HIVEP3: variants seen among roughly 807,000 people sequenced by gnomAD.
The protein encoded by HIVEP3 is HIVEP zinc finger 3, also known as transcription factor HIVEP3.
A neutral mutation model predicts 152.8 loss-of-function variants in HIVEP3; 49 were observed. The ratio of observed to expected loss-of-function variants is 0.32; its 90% CI spans 0.26 to 0.41. The LOEUF is 0.41. HIVEP3 is among the 10% of genes least tolerant of loss of function. The pLI is 1.00. For synonymous variants in HIVEP3, 1,269 were observed against 1,289.0 expected (o/e 0.98, Z 0.33); for missense variants, 2,790 against 3,103.3 (o/e 0.90, Z 2.40).
At chr1:41,937,140 C>A (rs1165022235) in intron 1 of HIVEP3, among the ~76,000 whole-genome samples, 1 of 152,066 alleles carries the variant, frequency 6.6e-6, no homozygotes, top group African/African-American at 2.4e-5. Context: ...CTTTCCAGTC[C>A]TCTTTATGTG....
At chr1:41,672,152 CT>C (rs1233688983) in intron 2 of HIVEP3, among the ~76,000 whole-genome samples, 1 of 152,210 alleles carries the variant, frequency 6.6e-6, no homozygotes, top group Admixed American at 6.5e-5. Context: ...GGGAGAGCCA[CT>C]TTCCCTGTTG....
intron 1 of HIVEP3, among the ~76,000 whole-genome samples, chr1:41,899,755 C>A (rs536024914): frequency 6.6e-6 from 1 of 152,312 alleles, no homozygotes; most frequent in East Asian, 1.9e-4. Flanking sequence ...TTCATTGAAT[C>A]ATTTAACTCT....
chr1:41,900,555 G>A (rs1040209746), intron 1 of HIVEP3, among the ~76,000 whole-genome samples: 1 of 151,978 alleles, frequency 6.6e-6, no homozygotes, highest in Non-Finnish European at 1.5e-5. Context: ...TCCCTGGGCT[G>A]GGCCTCTCTA....
At chr1:41,783,307 C>A (rs922234374) in intron 1 of HIVEP3, among the ~76,000 whole-genome samples, 5 of 152,148 alleles carry the variant, frequency 3.3e-5, no homozygotes, top group African/African-American at 1.2e-4. Context: ...ATTCCGTATT[C>A]ATTCCCCTAG....
chr1:41,947,879 A>T (rs1422326519), intron 1 of HIVEP3, among the ~76,000 whole-genome samples: 1 of 152,218 alleles, frequency 6.6e-6, no homozygotes, highest in Non-Finnish European at 1.5e-5. Context: ...CTGTGTGGAC[A>T]TCTCATGATG....
chr1:41,651,817 C>G (rs1423648085), intron 2 of HIVEP3, among the ~76,000 whole-genome samples: 1 of 152,182 alleles, frequency 6.6e-6, no homozygotes, highest in Non-Finnish European at 1.5e-5. Context: ...GTAACAATCT[C>G]ATTTTTAATT....
At chr1:41,798,322 A>C (rs1182818329) in intron 1 of HIVEP3, among the ~76,000 whole-genome samples, 1 of 151,934 alleles carries the variant, frequency 6.6e-6, no homozygotes, top group Non-Finnish European at 1.5e-5. Context: ...ACTCTTTTCC[A>C]ATAGGGATTC....
At chr1:41,588,999 G>A (rs764547034) in intron 3 of HIVEP3, among the ~76,000 whole-genome samples, 1 of 152,196 alleles carries the variant, frequency 6.6e-6, no homozygotes. Flanking sequence ...TCCAAATGTG[G>A]TGCGGCATAA....
chr1:42,022,399 A>G (rs1331040448), intron 1 of HIVEP3, among the ~76,000 whole-genome samples: 4 of 152,064 alleles, frequency 2.6e-5, no homozygotes, highest in Non-Finnish European at 4.4e-5. Flanking sequence ...CCTTCAATAC[A>G]TAGATCAAAT....
intron 1 of HIVEP3, among the ~76,000 whole-genome samples, chr1:41,946,895 C>G (rs1325536997): frequency 6.6e-6 from 1 of 152,134 alleles, no homozygotes; most frequent in Non-Finnish European, 1.5e-5. Flanking sequence ...TTTAGGAGTA[C>G]AGAAACCCAA....
At chr1:41,794,623 G>A (rs1558275719) in intron 1 of HIVEP3, among the ~76,000 whole-genome samples, 1 of 151,976 alleles carries the variant, frequency 6.6e-6, no homozygotes. Context: ...CTAAGTATTT[G>A]GTTTTTATTT....
intron 2 of HIVEP3, among the ~76,000 whole-genome samples, chr1:41,661,711 G>T (rs1259739781): frequency 6.6e-6 from 1 of 152,364 alleles, no homozygotes; most frequent in East Asian, 1.9e-4. Flanking sequence ...AGCAGCTCCC[G>T]CCGGGTGTGC....
chr1:41,806,428 A>G (rs780942810), intron 1 of HIVEP3, among the ~76,000 whole-genome samples: 12 of 152,244 alleles, frequency 7.9e-5, no homozygotes, highest in African/African-American at 1.2e-4. Context: ...TTGAAGGCCC[A>G]GCCCCGGCAT....
In HIVEP3 at chr1:41,513,634, C is replaced by G. The variant is rs750954186; in HGVS notation, c.5587G>C (p.Glu1863Gln). 35 of 1,613,936 alleles carry G rather than the reference C, an allele frequency of 2.2e-5. No individual in the cohort carries two copies. The highest frequency in any genetic ancestry group is 7.7e-5 in the South Asian group (7 of 91,080). Residue 1863 changes from glutamate (E) to glutamine (Q), a missense_variant, in exon 8 of 9, where the codon GAG becomes CAG. Coordinates refer to ENST00000372583, the MANE Select transcript of HIVEP3 (RefSeq NM_024503.5). Reference protein sequence around the residue: ...SDSDSDLDEDEDEDEEESQDE... With the variant: ...SDSDSDLDEDQDEDEEESQDE... ...TGGCTCTCCTCCTCATCCTCATCCT[C>G]GTCTTCGTCCAGGTCTGAGTCTGAG...
chr1:41,701,435 A>T (rs1485505419), intron 1 of HIVEP3, among the ~76,000 whole-genome samples: 1 of 152,232 alleles, frequency 6.6e-6, no homozygotes, highest in Non-Finnish European at 1.5e-5. Context: ...AGGTCCTCAT[A>T]GAGATGAAGT....
At chr1:42,014,381 G>A (rs1193718424) in intron 1 of HIVEP3, among the ~76,000 whole-genome samples, 1 of 152,042 alleles carries the variant, frequency 6.6e-6, no homozygotes, top group Non-Finnish European at 1.5e-5. Context: ...CAAGGAAGGA[G>A]GGGGTGCAAA....
intron 1 of HIVEP3, among the ~76,000 whole-genome samples, chr1:41,790,372 G>C (rs2124297164): frequency 6.6e-6 from 1 of 152,242 alleles, no homozygotes; most frequent in South Asian, 2.1e-4. Context: ...CTCACCAGTA[G>C]CCAGTGCTAG....
chr1:41,642,102 G>C (rs1268128828), intron 2 of HIVEP3, among the ~76,000 whole-genome samples: 2 of 152,138 alleles, frequency 1.3e-5, no homozygotes, highest in African/African-American at 4.8e-5. Flanking sequence ...CCCCACCCTG[G>C]CTCAGACCCT....
Position 41,906,022 on chromosome 1 carries a change from T to C in HIVEP3, c.-801+12391A>G, listed in dbSNP as rs531097929. On this transcript the variant is annotated intron_variant, in intron 1 of 8. Coordinates refer to ENST00000372583, the MANE Select transcript of HIVEP3 (RefSeq NM_024503.5). ...TCAACAGGTGGATGGATAAAAAATC[T>C]GTGGTGGCCAGGCGCGGTGGCTCAC... Among the ~76,000 whole-genome samples, 6 of 152,256 alleles carry C rather than the reference T, an allele frequency of 3.9e-5. No homozygotes were observed. In the East Asian group the frequency reaches 1.2e-3, roughly 29 times the overall value.
Sources: gnomAD v4.1 joint callset for allele counts (sites outside exome capture counted in the v4.1 genomes callset) on GRCh38, gnomAD v4.1.1 for gene constraint, MANE v1.5 for transcripts, NCBI Gene and HGNC (gene_info 2026-07-23, HGNC 2026-07-21) for gene names.